The following CDIN1 variants were observed in gnomAD, a reference collection of about 807,000 sequenced individuals.
CDIN1 encodes CDAN1-interacting nuclease 1.
CDIN1 carries 33 observed loss-of-function variants against 45.3 expected under a neutral mutation model. The ratio of observed to expected loss-of-function variants is 0.73; its 90% CI spans 0.55 to 0.97. The LOEUF is 0.97. Ranked by LOEUF, CDIN1 falls within the 50% of genes least tolerant of loss-of-function variation. The probability of loss-of-function intolerance (pLI) is 0.00; values close to 1 mark genes in which losing one functional copy is unlikely to be tolerated. For synonymous variants in CDIN1, 118 were observed against 124.4 expected (o/e 0.95, Z 0.34); for missense variants, 303 against 339.4 (o/e 0.89, Z 0.84).
At chr15:36,660,969 T>C (rs2040988920) in intron 5 of CDIN1, among the ~76,000 whole-genome samples, 1 of 152,204 alleles carries the variant, frequency 6.6e-6, no homozygotes, top group African/African-American at 2.4e-5. Context: ...CTCTTCCTCA[T>C]GAAATCTGAA....
intron 8 of CDIN1, chr15:36,705,157 T>G (rs2042817230): frequency 6.6e-6 from 1 of 152,218 alleles, no homozygotes; most frequent in Non-Finnish European, 1.5e-5. Flanking sequence ...TCCTGACAAC[T>G]TAAAAATGAA....
intron 5 of CDIN1, chr15:36,658,464 T>G (rs2040865449): frequency 6.6e-6 from 1 of 152,218 alleles, no homozygotes; most frequent in Non-Finnish European, 1.5e-5. Context: ...GCTCTGGGGA[T>G]GTGCTCGTAA....
chr15:36,732,291 A>G (rs894069127), intron 10 of CDIN1, among the ~76,000 whole-genome samples: 1 of 152,144 alleles, frequency 6.6e-6, no homozygotes, highest in African/African-American at 2.4e-5. Flanking sequence ...AAAAATTTAC[A>G]GGGAAAGGGA....
intron 10 of CDIN1, among the ~76,000 whole-genome samples, chr15:36,804,939 T>C (rs2055180200): frequency 6.6e-6 from 1 of 151,988 alleles, no homozygotes; most frequent in Non-Finnish European, 1.5e-5. Context: ...CCTCCCAAAG[T>C]GCTGGGATTA....
At chr15:36,610,438 T>A (rs1472076124) in intron 1 of CDIN1, among the ~76,000 whole-genome samples, 3 of 152,230 alleles carry the variant, frequency 2.0e-5, no homozygotes, top group Non-Finnish European at 4.4e-5. Flanking sequence ...GTGTAGTATA[T>A]CATCTTCTTT....
At chr15:36,753,442 A>G (rs1368005857) in intron 10 of CDIN1, among the ~76,000 whole-genome samples, 1 of 152,070 alleles carries the variant, frequency 6.6e-6, no homozygotes, top group African/African-American at 2.4e-5. Flanking sequence ...TTGCCTTTGT[A>G]TGGCTACCGG....
Position 36,685,937 on chromosome 15 carries a change from T to G in CDIN1, c.347-5748T>G, listed in dbSNP as rs750706950. 2.5e-3 allele frequency among the ~76,000 whole-genome samples: 376 copies of G among 151,804 alleles called. 1 individual carries two copies. The highest frequency in any genetic ancestry group is 4.3e-3 in the Non-Finnish European group (291 of 67,888). On this transcript the variant is annotated intron_variant, in intron 5 of 10. Coordinates refer to ENST00000566621, the MANE Select transcript of CDIN1 (RefSeq NM_001321759.2). ...AGGTGCTGGAGATGATGTGGAGAAATAGGAACACTTTTACACTGTTGGTGG... is the reference window on the plus strand; with the variant it reads ...AGGTGCTGGAGATGATGTGGAGAAAGAGGAACACTTTTACACTGTTGGTGG...
intron 5 of CDIN1, among the ~76,000 whole-genome samples, chr15:36,674,689 T>C (rs1300826550): frequency 6.6e-6 from 1 of 152,072 alleles, no homozygotes; most frequent in African/African-American, 2.4e-5. Context: ...TTCTTTCAGA[T>C]TATTAGGCAC....
intron 3 of CDIN1, among the ~76,000 whole-genome samples, chr15:36,651,420 A>G (rs975671998): frequency 2.6e-5 from 4 of 152,210 alleles, no homozygotes; most frequent in African/African-American, 9.6e-5. Context: ...GTCTTTATGG[A>G]ATATTTTCAG....
intron 1 of CDIN1, among the ~76,000 whole-genome samples, chr15:36,581,775 T>C (rs2037058368): frequency 6.6e-6 from 1 of 152,226 alleles, no homozygotes; most frequent in African/African-American, 2.4e-5. Flanking sequence ...GCTACTCAGC[T>C]ACTCCTGAGG....
intron 10 of CDIN1, among the ~76,000 whole-genome samples, chr15:36,786,367 A>G (rs1437305742): frequency 2.0e-5 from 3 of 152,198 alleles, no homozygotes; most frequent in Non-Finnish European, 1.5e-5. Context: ...AAAAATTATA[A>G]TATTTCTGAA....
intron 10 of CDIN1, among the ~76,000 whole-genome samples, chr15:36,794,294 G>A (rs983547715): frequency 2.0e-5 from 3 of 152,054 alleles, no homozygotes; most frequent in East Asian, 3.9e-4. Flanking sequence ...TCCTGACTTC[G>A]TGATCTACCC....
intron 3 of CDIN1, among the ~76,000 whole-genome samples, chr15:36,647,215 A>G (rs2040370941): frequency 1.3e-5 from 2 of 151,802 alleles, no homozygotes; most frequent in South Asian, 4.2e-4. Context: ...TTATAGAGAC[A>G]GGGTCTTGCT....
chr15:36,792,883 G>A (rs1003339875), intron 10 of CDIN1, among the ~76,000 whole-genome samples: 2 of 152,032 alleles, frequency 1.3e-5, no homozygotes, highest in African/African-American at 2.4e-5. Flanking sequence ...CCTTCCCTCC[G>A]GTCCTCATCA....
At chr15:36,630,058 A>G (rs187213747) in intron 1 of CDIN1, among the ~76,000 whole-genome samples, 78 of 152,322 alleles carry the variant, frequency 5.1e-4, no homozygotes, top group East Asian at 2.7e-3. Flanking sequence ...GTGTTAGACC[A>G]CGAGATGGTT....
intron 1 of CDIN1, among the ~76,000 whole-genome samples, chr15:36,609,315 C>T (rs2038535975): frequency 6.6e-6 from 1 of 152,120 alleles, no homozygotes; most frequent in Non-Finnish European, 1.5e-5. Flanking sequence ...CGCACCTGGC[C>T]TATTATATCT....
At chr15:36,614,783 G>A (rs1169771549) in intron 1 of CDIN1, among the ~76,000 whole-genome samples, 2 of 152,170 alleles carry the variant, frequency 1.3e-5, no homozygotes, top group Non-Finnish European at 2.9e-5. Context: ...AACAAAAAAT[G>A]TGCTGTTCAA....
At chr15:36,703,352 A>ATG (rs2140793466) in intron 8 of CDIN1, among the ~76,000 whole-genome samples, 1 of 76,828 alleles carries the variant, frequency 1.3e-5, no homozygotes, top group African/African-American at 6.4e-5. Flanking sequence ...AGATATATAC[A>ATG]TATATCAGAT....
intron 10 of CDIN1, among the ~76,000 whole-genome samples, chr15:36,803,379 C>T (rs1021200504): frequency 4.6e-5 from 7 of 151,736 alleles, no homozygotes; most frequent in African/African-American, 1.5e-4. Context: ...GTCCCGCGAA[C>T]CTAGGTTATA....
Sources: allele counts gnomAD v4.1 joint callset (sites outside exome capture counted in the v4.1 genomes callset), GRCh38; gene constraint gnomAD v4.1.1; transcripts MANE v1.5; gene names NCBI Gene and HGNC (gene_info 2026-07-23, HGNC 2026-07-21).